MAGI2: variants seen among roughly 807,000 people sequenced by gnomAD.
MAGI2 encodes the protein membrane-associated guanylate kinase, WW and PDZ domain-containing protein 2.
In MAGI2, 35 loss-of-function variants were observed where a neutral mutation model predicts 133.3. The ratio of observed to expected loss-of-function variants is 0.26; its 90% CI spans 0.20 to 0.35. The LOEUF (loss-of-function observed/expected upper bound fraction) is 0.35, where lower values mean the gene tolerates loss of function less well. Among genes scored for constraint, MAGI2 ranks in the 10% least tolerant of loss-of-function variants. MAGI2 has a pLI of 1.00. For synonymous variants in MAGI2, 729 were observed against 710.6 expected, an observed-to-expected ratio of 1.03 and a Z score of -0.41; for missense variants, 1,636 against 1,863.4, an observed-to-expected ratio of 0.88 and a Z score of 2.25.
At chr7:79,280,816 T>C (rs1462744786) in intron 1 of MAGI2, among the ~76,000 whole-genome samples, 1 of 150,884 alleles carries the variant, frequency 6.6e-6, no homozygotes, top group Non-Finnish European at 1.5e-5. Context: ...TCCTAGCTAC[T>C]TGGTAGGTTG....
chr7:79,290,713 C>T (rs1379652123), intron 1 of MAGI2, among the ~76,000 whole-genome samples: 1 of 151,952 alleles, frequency 6.6e-6, no homozygotes, highest in Non-Finnish European at 1.5e-5. Flanking sequence ...ATGCTGCAAG[C>T]ATATAGATGG....
intron 1 of MAGI2, among the ~76,000 whole-genome samples, chr7:79,155,999 G>A (rs929408684): frequency 1.3e-5 from 2 of 152,130 alleles, no homozygotes; most frequent in Non-Finnish European, 1.5e-5. Flanking sequence ...CATTTAGAAT[G>A]AGGAATGGAA....
At chr7:78,022,661 T>A (rs746487751) in intron 21 of MAGI2, among the ~76,000 whole-genome samples, 1 of 152,202 alleles carries the variant, frequency 6.6e-6, no homozygotes, top group Non-Finnish European at 1.5e-5. Context: ...GACTTAGCAT[T>A]TATTTCTGAA....
chr7:78,676,829 G>A (rs544477535), intron 2 of MAGI2, among the ~76,000 whole-genome samples: 4 of 152,066 alleles, frequency 2.6e-5, no homozygotes, highest in Admixed American at 2.0e-4. Flanking sequence ...CAGAACTACC[G>A]TAAATAATGA....
At chr7:78,948,307 T>G (rs1331535171) in intron 2 of MAGI2, among the ~76,000 whole-genome samples, 1 of 152,130 alleles carries the variant, frequency 6.6e-6, no homozygotes, top group Non-Finnish European at 1.5e-5. Flanking sequence ...TCTACTTTTT[T>G]TTTTCTTTTC....
At chr7:78,436,914 A>G (rs1462209031) in intron 6 of MAGI2, among the ~76,000 whole-genome samples, 1 of 152,180 alleles carries the variant, frequency 6.6e-6, no homozygotes, top group Non-Finnish European at 1.5e-5. Context: ...GGGGATGGAA[A>G]TGGCATTTAG....
chr7:78,947,074 G>C (rs1019825738), intron 2 of MAGI2: 1 of 152,034 alleles, frequency 6.6e-6, no homozygotes, highest in African/African-American at 2.4e-5. Context: ...TATTACTTAT[G>C]AATGACTTTC....
chr7:78,986,625 G>C (rs534467484), intron 2 of MAGI2, among the ~76,000 whole-genome samples: 1 of 151,858 alleles, frequency 6.6e-6, no homozygotes, highest in Non-Finnish European at 1.5e-5. Flanking sequence ...GGCTTCAAGT[G>C]ATCCTCCTGC....
chr7:78,961,845 T>A (rs1245224766), intron 2 of MAGI2, among the ~76,000 whole-genome samples: 2 of 152,118 alleles, frequency 1.3e-5, no homozygotes, highest in Non-Finnish European at 2.9e-5. Flanking sequence ...TAGGATGTAC[T>A]TACACAAACC....
At chr7:78,437,008 TAG>T (rs932029794) in intron 6 of MAGI2, among the ~76,000 whole-genome samples, 2 of 151,866 alleles carry the variant, frequency 1.3e-5, no homozygotes, top group Non-Finnish European at 2.9e-5. Context: ...AAACGCAGAG[TAG>T]AGTCAGAGTG....
At chr7:78,884,713 C>T (rs1796134031) in intron 2 of MAGI2, among the ~76,000 whole-genome samples, 1 of 152,114 alleles carries the variant, frequency 6.6e-6, no homozygotes, top group African/African-American at 2.4e-5. Flanking sequence ...TGGTTATACA[C>T]TTTTGGTGGA....
At chr7:78,778,277 A>C (rs1212695075) in intron 2 of MAGI2, among the ~76,000 whole-genome samples, 1 of 152,166 alleles carries the variant, frequency 6.6e-6, no homozygotes, top group Non-Finnish European at 1.5e-5. Flanking sequence ...AATGCAGTTT[A>C]TTGTCCATAC....
chr7:78,879,992 C>A (rs1795721905), intron 2 of MAGI2, among the ~76,000 whole-genome samples: 1 of 152,002 alleles, frequency 6.6e-6, no homozygotes, highest in South Asian at 2.1e-4. Context: ...AGGGACTGAT[C>A]TTTCATACTA....
chr7:78,742,100 T>G lies in MAGI2; in HGVS notation c.419-114861A>C, dbSNP rs150349500. Among the ~76,000 whole-genome samples, 566 of 152,148 alleles carry G rather than the reference T, an allele frequency of 3.7e-3. 3 individuals are homozygous for G. Among genetic ancestry groups the G allele is most frequent in the African/African-American group, 0.013 (544 of 41,540 alleles). ...CGTACATGTAGAAAATTGGAACTTT[T>G]TTTTATGAAACATAGTGCTCAAAAT... On this transcript the variant is annotated intron_variant, in intron 2 of 21. Transcript: ENST00000354212.
chr7:78,426,762 G>A (rs1799320963), intron 6 of MAGI2, among the ~76,000 whole-genome samples: 1 of 152,094 alleles, frequency 6.6e-6, no homozygotes, highest in Admixed American at 6.6e-5. Context: ...ACATACTTAA[G>A]AGATTCAAAA....
At chr7:78,622,580 T>C (rs1344512460) in intron 3 of MAGI2, among the ~76,000 whole-genome samples, 1 of 152,074 alleles carries the variant, frequency 6.6e-6, no homozygotes, top group Non-Finnish European at 1.5e-5. Context: ...AAGACATTCC[T>C]TAGTTTTCCC....
At chr7:78,316,257 A>C (rs1787398792) in intron 9 of MAGI2, among the ~76,000 whole-genome samples, 1 of 152,200 alleles carries the variant, frequency 6.6e-6, no homozygotes, top group African/African-American at 2.4e-5. Context: ...TCTTTCATCA[A>C]ATTTTAGCCC....
intron 3 of MAGI2, among the ~76,000 whole-genome samples, chr7:78,593,980 A>G (rs1260811396): frequency 6.6e-6 from 1 of 152,202 alleles, no homozygotes; most frequent in Non-Finnish European, 1.5e-5. Context: ...AACATATCAC[A>G]TTCAAGGGTT....
intron 2 of MAGI2, among the ~76,000 whole-genome samples, chr7:78,649,894 T>G (rs1156966191): frequency 6.6e-6 from 1 of 152,174 alleles, no homozygotes; most frequent in Non-Finnish European, 1.5e-5. Flanking sequence ...GAAAATATTT[T>G]TAAATGCTTT....
Sources: gnomAD v4.1 joint callset for allele counts (sites outside exome capture counted in the v4.1 genomes callset) on GRCh38, gnomAD v4.1.1 for gene constraint, MANE v1.5 for transcripts, NCBI Gene and HGNC (gene_info 2026-07-23, HGNC 2026-07-21) for gene names.